Variants in SACS observed in about 807,000 individuals in gnomAD.
SACS encodes the protein sacsin molecular chaperone.
A neutral mutation model predicts 348.0 loss-of-function variants in SACS; 197 were observed. That is an observed-to-expected ratio of 0.57 (90% CI 0.50 to 0.64). SACS has a LOEUF of 0.64. SACS is among the 30% of genes least tolerant of loss of function. SACS has a pLI of 0.00. For synonymous variants in SACS, 1,985 were observed against 1,910.6 expected, an observed-to-expected ratio of 1.04 and a Z score of -1.02; for missense variants, 4,999 against 5,360.8, an observed-to-expected ratio of 0.93 and a Z score of 2.11.
chr13:23,355,577 C>T lies in SACS; in HGVS notation c.1035G>A (p.Arg345=), dbSNP rs2137725795. 4 of 1,614,098 alleles carry T rather than the reference C, an allele frequency of 2.5e-6. No individual in the cohort carries two copies. The highest frequency in any genetic ancestry group is 3.4e-6 in the Non-Finnish European group (4 of 1,180,014). The change falls in exon 8 of 10, where the codon CGG becomes CGA. Residue 345 remains arginine (R), a synonymous_variant. Transcript: ENST00000382292. ...TTCCCAGAATCTTTATAGAATTCGG[C>T]CGCTCATGTTTCAGTGCCTTACTCT... The part of the protein sequence containing the change: ...SSESKALKHE[R]PNSIKILGTA...
chr13:23,374,819 T>C (rs995037685), intron 3 of SACS, among the ~76,000 whole-genome samples: 1 of 152,110 alleles, frequency 6.6e-6, no homozygotes, highest in Non-Finnish European at 1.5e-5. Context: ...TGAGTAATGA[T>C]TAAATCACTT....
chr13:23,340,704 T>C lies in SACS; in HGVS notation c.3172A>G (p.Ile1058Val), dbSNP rs1219341990. 2 of 1,593,156 alleles carry C rather than the reference T, an allele frequency of 1.3e-6. No individual in the cohort carries two copies. Among genetic ancestry groups the C allele is most frequent in the Non-Finnish European group, 1.7e-6 (2 of 1,172,300 alleles). ...VSAGELFDPD[I>V]EVLKDLFCNE... Reference sequence around the variant, plus strand: ...CAAAAGAGATCCTTTAGTACTTCTATATCAGGGTCAAAGAGTTCACCAGCT... The same window carrying C: ...CAAAAGAGATCCTTTAGTACTTCTACATCAGGGTCAAAGAGTTCACCAGCT... Residue 1058 changes from isoleucine (I) to valine (V), a missense_variant, in exon 10 of 10, where the codon ATA (isoleucine) becomes GTA (valine). Coordinates refer to ENST00000382292, the MANE Select transcript of SACS (RefSeq NM_014363.6).
chr13:23,357,629 C>T (rs953101348), intron 7 of SACS, among the ~76,000 whole-genome samples: 3 of 152,180 alleles, frequency 2.0e-5, no homozygotes, highest in Non-Finnish European at 2.9e-5. Flanking sequence ...CAGTTTGAAA[C>T]TAAAAGGACC....
intron 1 of SACS, among the ~76,000 whole-genome samples, chr13:23,429,901 T>G (rs1020994843): frequency 1.3e-5 from 2 of 152,142 alleles, no homozygotes; most frequent in Non-Finnish European, 2.9e-5. Flanking sequence ...TGTCTCTGGA[T>G]GGTCACTTAG....
At chr13:23,406,292 C>T (rs1873204522) in intron 2 of SACS, among the ~76,000 whole-genome samples, 2 of 151,966 alleles carry the variant, frequency 1.3e-5, no homozygotes, top group African/African-American at 4.8e-5. Flanking sequence ...GAAAACCAAA[C>T]ACCACATGTT....
At chr13:23,387,306 A>C (rs930591837) in intron 2 of SACS, among the ~76,000 whole-genome samples, 12 of 151,914 alleles carry the variant, frequency 7.9e-5, no homozygotes, top group South Asian at 2.1e-4. Context: ...AAAAAACACA[A>C]AAAAAATTAG....
rs1028098148 is a variant in SACS, at chr13:23,335,972, CA to C, written c.7903del (p.Cys2635AlafsTer104). 1.8e-5 allele frequency: 29 copies of C among 1,612,660 alleles called. No homozygotes were observed. Among genetic ancestry groups the C allele is most frequent in the Non-Finnish European group, 2.5e-5 (29 of 1,178,800 alleles). On this transcript the variant is annotated frameshift_variant, in exon 10 of 10. Coordinates refer to ENST00000382292, the MANE Select transcript of SACS (RefSeq NM_014363.6). LOFTEE classifies it high-confidence loss of function. This position sits in a 1 kb window ranked among gnomAD's most constrained non-coding sequence, Gnocchi z 4.7. ...GTCATTGCCAGAAATAAAAGATGGG[CA>C]GTCTGTGATATGATACACAGAATTG... Reference protein sequence around the residue: ...GFNSVYHITDCPSFISGNDIL... With the variant: ...GFNSVYHITDXPSFISGNDIL...
chr13:23,399,037 A>AAC (rs55848856), intron 2 of SACS, among the ~76,000 whole-genome samples: 1 of 149,750 alleles, frequency 6.7e-6, no homozygotes, highest in African/African-American at 2.5e-5. Flanking sequence ...AAAAAAAAAA[A>AAC]CATGGATGCC....
At chr13:23,362,226 A>C (rs566815359) in intron 6 of SACS, among the ~76,000 whole-genome samples, 1 of 152,298 alleles carries the variant, frequency 6.6e-6, no homozygotes, top group African/African-American at 2.4e-5. Context: ...TGCAGCACAG[A>C]GGGACTCTCC....
At chr13:23,381,076 C>T (rs772667925) in intron 2 of SACS, among the ~76,000 whole-genome samples, 3 of 152,166 alleles carry the variant, frequency 2.0e-5, no homozygotes, top group African/African-American at 4.8e-5. Flanking sequence ...TCATAAATCA[C>T]GACGCAGGAC....
chr13:23,414,183 A>C (rs1873613581), intron 1 of SACS, among the ~76,000 whole-genome samples: 1 of 152,228 alleles, frequency 6.6e-6, no homozygotes, highest in African/African-American at 2.4e-5. Context: ...GGGCACCTGT[A>C]GTCCCAGCTA....
chr13:23,371,996 G>GA (rs200529580), intron 3 of SACS, among the ~76,000 whole-genome samples: 1 of 152,086 alleles, frequency 6.6e-6, no homozygotes, highest in Non-Finnish European at 1.5e-5. Context: ...GTCTCTATTT[G>GA]AAAAAAATTT....
chr13:23,332,357 T>G lies in SACS; in HGVS notation c.11519A>C (p.Lys3840Thr), dbSNP rs143907401. The change falls in exon 10 of 10, where the codon AAA becomes ACA. Residue 3840 changes from lysine to threonine, a missense_variant. Transcript: ENST00000382292. Reference protein sequence around the residue: ...LELGTFHQLFKHLGTEDIIST... With the variant: ...LELGTFHQLFTHLGTEDIIST... The stretch of plus-strand genomic sequence containing the variant: ...AATAATATCTTCAGTACCTAAGTGT[T>G]TGAACAACTGGTGAAATGTGCCAAG... 1.9e-6 allele frequency: 3 copies of G among 1,614,038 alleles called. No individual in the cohort carries two copies. The highest frequency in any genetic ancestry group is 2.5e-6 in the Non-Finnish European group (3 of 1,179,926).
At chr13:23,383,982 T>C (rs957040005) in intron 2 of SACS, among the ~76,000 whole-genome samples, 15 of 152,180 alleles carry the variant, frequency 9.9e-5, no homozygotes, top group African/African-American at 3.6e-4. Flanking sequence ...CGCAAGGTCT[T>C]TCTGGGGAGG....
intron 2 of SACS, among the ~76,000 whole-genome samples, chr13:23,409,342 A>G (rs1182483484): frequency 2.8e-5 from 4 of 140,404 alleles, no homozygotes; most frequent in African/African-American, 8.0e-5. Flanking sequence ...GGGGTGAGCC[A>G]CCGCGCTGGC....
chr13:23,427,852 G>A (rs1356759944), intron 1 of SACS: 1 of 152,250 alleles, frequency 6.6e-6, no homozygotes, highest in Non-Finnish European at 1.5e-5. Context: ...GGACAAGAAA[G>A]GCCTCTCCTG....
At chr13:23,386,711 T>A (rs1872302940) in intron 2 of SACS, among the ~76,000 whole-genome samples, 1 of 152,236 alleles carries the variant, frequency 6.6e-6, no homozygotes, top group Non-Finnish European at 1.5e-5. Flanking sequence ...GCTTTCAACC[T>A]GCCTTCCTCA....
intron 1 of SACS, among the ~76,000 whole-genome samples, chr13:23,418,520 T>TTA (rs398117097): frequency 1.8e-4 from 28 of 152,226 alleles, no homozygotes; most frequent in Non-Finnish European, 8.8e-5. Context: ...TTCTTTTTTT[T>TTA]ACCTTACATG....
At chr13:23,384,596 A>G (rs1872196107) in intron 2 of SACS, among the ~76,000 whole-genome samples, 1 of 152,184 alleles carries the variant, frequency 6.6e-6, no homozygotes, top group Non-Finnish European at 1.5e-5. Context: ...TTCACAGCAA[A>G]CTCCAAAACA....
Sources: allele counts gnomAD v4.1 joint callset (sites outside exome capture counted in the v4.1 genomes callset), GRCh38; gene constraint gnomAD v4.1.1; non-coding constraint Gnocchi (gnomAD v3.1); transcripts MANE v1.5; gene names NCBI Gene and HGNC (gene_info 2026-07-23, HGNC 2026-07-21).